The following KCNAB1 variants were observed in gnomAD, a reference collection of about 807,000 sequenced individuals.
KCNAB1 encodes potassium voltage-gated channel subfamily A regulatory beta subunit 1.
A neutral mutation model predicts 64.6 loss-of-function variants in KCNAB1; 35 were observed. The observed-to-expected ratio is 0.54, with a 90% CI of 0.41 to 0.72. KCNAB1 has a LOEUF of 0.72. Ranked by LOEUF, KCNAB1 falls within the 30% of genes least tolerant of loss-of-function variation. The pLI is 0.00. For missense variants in KCNAB1, 401 were observed against 512.9 expected, an observed-to-expected ratio of 0.78 and a Z score of 2.11; for synonymous variants, 177 against 183.8, an observed-to-expected ratio of 0.96 and a Z score of 0.30.
At chr3:156,387,929 C>T (rs552931830) in intron 1 of KCNAB1, among the ~76,000 whole-genome samples, 13 of 152,276 alleles carry the variant, frequency 8.5e-5, no homozygotes, top group Middle Eastern at 3.4e-3. Flanking sequence ...AAATTCACCG[C>T]GTATTTGTTA....
chr3:156,156,969 A>T (rs1285215557), intron 1 of KCNAB1, among the ~76,000 whole-genome samples: 1 of 152,216 alleles, frequency 6.6e-6, no homozygotes, highest in Non-Finnish European at 1.5e-5. Flanking sequence ...GGTAGGAGAG[A>T]TGAAGAGGAA....
intron 1 of KCNAB1, among the ~76,000 whole-genome samples, chr3:156,382,684 CTGAGTG>C (rs966231917): frequency 9.2e-5 from 14 of 152,094 alleles, no homozygotes; most frequent in Admixed American, 6.6e-5. Context: ...GTTCTGGCCA[CTGAGTG>C]GGAAGTAGAA....
intron 7 of KCNAB1, among the ~76,000 whole-genome samples, chr3:156,471,072 G>A (rs955482205): frequency 3.9e-5 from 6 of 152,104 alleles, no homozygotes; most frequent in African/African-American, 1.4e-4. Context: ...TTTTTTGCAA[G>A]CTAGATAGAA....
intron 1 of KCNAB1, among the ~76,000 whole-genome samples, chr3:156,344,879 A>C (rs1160940995): frequency 6.6e-6 from 1 of 152,168 alleles, no homozygotes; most frequent in African/African-American, 2.4e-5. Flanking sequence ...CATCCGTGAC[A>C]TATGCATCGT....
At chr3:156,166,962 C>A (rs191260175) in intron 1 of KCNAB1, among the ~76,000 whole-genome samples, 26 of 152,204 alleles carry the variant, frequency 1.7e-4, no homozygotes, top group Admixed American at 5.9e-4. Flanking sequence ...GACATGGGCA[C>A]CTCTTGGTTG....
intron 8 of KCNAB1, among the ~76,000 whole-genome samples, chr3:156,499,103 A>C (rs947163196): frequency 2.6e-5 from 4 of 152,216 alleles, no homozygotes; most frequent in African/African-American, 9.6e-5. Context: ...TTTTTGAGAA[A>C]GTTAGTTAAG....
At chr3:156,327,580 ATAAG>A (rs1433066761) in intron 1 of KCNAB1, among the ~76,000 whole-genome samples, 3 of 152,168 alleles carry the variant, frequency 2.0e-5, no homozygotes, top group South Asian at 2.1e-4. Flanking sequence ...CGGGGCTTAC[ATAAG>A]TAAGTAACTC....
At chr3:156,160,814 A>G (rs3936002) in intron 1 of KCNAB1, among the ~76,000 whole-genome samples, 100,671 of 152,042 alleles carry the variant, frequency 0.66, 33,755 homozygotes, top group East Asian at 0.93. Context: ...TCTGGCTTTC[A>G]TTTTCACACG....
At chr3:156,507,936 AGT>A (rs1264826704) in intron 8 of KCNAB1, among the ~76,000 whole-genome samples, 1 of 152,160 alleles carries the variant, frequency 6.6e-6, no homozygotes, top group Non-Finnish European at 1.5e-5. Flanking sequence ...ATAATATGTT[AGT>A]GTCTAAAGTG....
intron 1 of KCNAB1, among the ~76,000 whole-genome samples, chr3:156,166,861 A>G (rs1373166518): frequency 6.6e-6 from 1 of 152,160 alleles, no homozygotes; most frequent in African/African-American, 2.4e-5. Flanking sequence ...TGAGCTTTTC[A>G]TGTAACGTTC....
intron 1 of KCNAB1, among the ~76,000 whole-genome samples, chr3:156,196,902 A>G: frequency 6.6e-6 from 1 of 152,216 alleles, no homozygotes; most frequent in East Asian, 1.9e-4. Context: ...GAATGCTTCC[A>G]GTTTTTGCCC....
chr3:156,130,269 A>G (rs1180658129), intron 1 of KCNAB1, among the ~76,000 whole-genome samples: 1 of 152,222 alleles, frequency 6.6e-6, no homozygotes, highest in African/African-American at 2.4e-5. Context: ...ACATGGCTTA[A>G]GAGCATGGTT....
At chr3:156,216,278 T>C (rs1010717897) in intron 1 of KCNAB1, among the ~76,000 whole-genome samples, 2 of 152,188 alleles carry the variant, frequency 1.3e-5, no homozygotes, top group South Asian at 2.1e-4. Context: ...CTAGTATTTA[T>C]AGGGAGGAGG....
intron 1 of KCNAB1, among the ~76,000 whole-genome samples, chr3:156,134,248 TG>T (rs929035386): frequency 5.9e-5 from 9 of 152,232 alleles, no homozygotes; most frequent in Non-Finnish European, 1.2e-4. Context: ...GGCCTCATTT[TG>T]CTATTTTATT....
At chr3:156,359,517 G>A (rs1274585320) in intron 1 of KCNAB1, among the ~76,000 whole-genome samples, 2 of 152,212 alleles carry the variant, frequency 1.3e-5, no homozygotes, top group Admixed American at 6.5e-5. Flanking sequence ...CAGATCGGTT[G>A]ACTGTTGCTG....
intron 1 of KCNAB1, among the ~76,000 whole-genome samples, chr3:156,405,168 T>G (rs6794030): frequency 0.026 from 4,030 of 152,346 alleles, 175 homozygotes; most frequent in African/African-American, 0.091. Context: ...GGGCTCCTGC[T>G]GAGCCATGCA....
chr3:156,367,153 C>G (rs2108118897), intron 1 of KCNAB1, among the ~76,000 whole-genome samples: 1 of 150,130 alleles, frequency 6.7e-6, no homozygotes, highest in African/African-American at 2.5e-5. Flanking sequence ...CTGCAAGTGG[C>G]ATCTCAGAGT....
At chr3:156,402,992 C>T (rs2108194840) in intron 1 of KCNAB1, among the ~76,000 whole-genome samples, 1 of 152,306 alleles carries the variant, frequency 6.6e-6, no homozygotes, top group South Asian at 2.1e-4. Flanking sequence ...GCCCCTGACC[C>T]TATGCCGAGC....
intron 7 of KCNAB1, among the ~76,000 whole-genome samples, chr3:156,470,376 C>T (rs1713793964): frequency 6.6e-6 from 1 of 152,180 alleles, no homozygotes; most frequent in Non-Finnish European, 1.5e-5. Context: ...TTGGTACTGG[C>T]TGGGCATGGT....
Sources: allele counts gnomAD v4.1 joint callset (sites outside exome capture counted in the v4.1 genomes callset), GRCh38; gene constraint gnomAD v4.1.1; transcripts MANE v1.5; gene names NCBI Gene and HGNC (gene_info 2026-07-23, HGNC 2026-07-21).